PITRM1: variants seen among roughly 807,000 people sequenced by gnomAD.
The protein encoded by PITRM1 is presequence protease, mitochondrial.
In PITRM1, 100 loss-of-function variants were observed where a neutral mutation model predicts 129.9. The observed-to-expected ratio is 0.77, with a 90% CI of 0.65 to 0.91. The LOEUF (loss-of-function observed/expected upper bound fraction) is 0.91, where lower values mean the gene tolerates loss of function less well. Among genes scored for constraint, PITRM1 ranks in the 40% least tolerant of loss-of-function variants. The pLI, the probability that PITRM1 is intolerant of heterozygous loss-of-function variation, is 0.00. For synonymous variants in PITRM1, 591 were observed against 508.8 expected, an observed-to-expected ratio of 1.16 and a Z score of -2.17; for missense variants, 1,471 against 1,318.3, an observed-to-expected ratio of 1.12 and a Z score of -1.79.
intron 20 of PITRM1, 163 bp downstream of exon 20, chr10:3,146,987 G>A (rs1840942626): frequency 6.3e-6 from 3 of 476,230 alleles, no homozygotes; most frequent in South Asian, 3.0e-5. Context: ...CTTTTAATAG[G>A]CTTAAAATAT....
rs375941441 is a variant in PITRM1 at position 3,145,704 on chromosome 10, A to G, written c.2349T>C (p.Asn783=). Residue 783 remains asparagine, a synonymous_variant, in exon 21 of 27, where the codon AAT becomes AAC. Transcript: ENST00000224949. The part of the protein sequence containing the change: ...LNGDNMRCSV[N]ATPQQMPQTE... ...TCTGAGGCATCTGCTGAGGAGTCGCATTCACTGAACACCTGTTTGAAAAAT... is the reference window on the plus strand; with the variant it reads ...TCTGAGGCATCTGCTGAGGAGTCGCGTTCACTGAACACCTGTTTGAAAAAT... 2 of 1,549,762 alleles carry G rather than the reference A, an allele frequency of 1.3e-6. No homozygotes were observed. Among genetic ancestry groups the G allele is most frequent in the Non-Finnish European group, 1.7e-6 (2 of 1,145,272 alleles).
At position 3,140,823 on chromosome 10, in the gene PITRM1, TA is replaced by T; in HGVS notation, c.2646-12del. 6.4e-7 allele frequency: 1 copy of T among 1,566,650 alleles called. No homozygotes were observed. ...GCAAGGATTTTAAGACTGAAATGAT[TA>T]AAAAATGCAAGTTAATACCGTGGCT... On this transcript the variant is annotated splice_polypyrimidine_tract_variant and intron_variant, in intron 23 of 26. Coordinates refer to ENST00000224949, the MANE Select transcript of PITRM1 (RefSeq NM_014889.4).
In PITRM1 at chr10:3,158,920, T is replaced by C. The variant is rs753364959; in HGVS notation, c.1130A>G (p.Asp377Gly). The C allele has an allele frequency of 8.1e-5, 130 of 1,612,584 alleles. 1 individual carries two copies. The South Asian group carries it at 1.3e-3, about 16-fold the overall frequency. The change falls in exon 10 of 27, where the codon GAT becomes GGT. Residue 377 changes from aspartate (D) to glycine (G), a missense_variant. Asp to Gly is a moderately conservative substitution (Grantham distance 94). Coordinates refer to ENST00000224949, the MANE Select transcript of PITRM1 (RefSeq NM_014889.4). ...ESGLGTDFSP[D>G]VGYNGYTREA... ...AATCTAATCATAAACTCACCCAACATCAGGAGAAAAGTCTGTGCCAAGGCC... is the reference window on the plus strand; with the variant it reads ...AATCTAATCATAAACTCACCCAACACCAGGAGAAAAGTCTGTGCCAAGGCC...
Position 3,155,705 on chromosome 10 carries a change from A to C in PITRM1, c.1507T>G (p.Ser503Ala). The change falls in exon 14 of 27, where the codon TCG becomes GCG. Residue 503 changes from serine (S) to alanine (A), a missense_variant. Transcript: ENST00000224949. ...FKNNQHKLTLSMRPDDKYHEK... is the reference protein window; with the variant it reads ...FKNNQHKLTLAMRPDDKYHEK... ...TGATACTTGTCATCTGGCCTCATCG[A>C]TAAAGTCAGCTTATGCTGGTTATTC... 2 of 1,613,914 alleles carry C rather than the reference A, an allele frequency of 1.2e-6. No homozygotes were observed. The highest frequency in any genetic ancestry group is 1.7e-6 in the Non-Finnish European group (2 of 1,179,886).
intron 23 of PITRM1, chr10:3,141,488 G>A: frequency 4.6e-6 from 1 of 218,700 alleles, no homozygotes; most frequent in South Asian, 6.3e-5. Flanking sequence ...AAACTGAAGT[G>A]AGTTTTATAA....
chr10:3,159,011 T>C lies in PITRM1; in HGVS notation c.1039A>G (p.Ser347Gly). Reference sequence around the variant, plus strand: ...GAAGTCAAGAGTGAAGACAGAAGACTTAATGTGAAGGCTTCAAATGTGTCG... The same window carrying C: ...GAAGTCAAGAGTGAAGACAGAAGACCTAATGTGAAGGCTTCAAATGTGTCG... ...ITDTFEAFTLSLLSSLLTSGP... is the reference protein window; with the variant it reads ...ITDTFEAFTLGLLSSLLTSGP... Residue 347 changes from serine (S) to glycine (G), a missense_variant, in exon 10 of 27, where the codon AGT (serine) becomes GGT (glycine). Ser to Gly is a moderately conservative substitution (Grantham distance 56, BLOSUM62 0). Coordinates refer to ENST00000224949, the MANE Select transcript of PITRM1 (RefSeq NM_014889.4). 6.2e-7 allele frequency: 1 copy of C among 1,613,430 alleles called. No individual in the cohort carries two copies. Among genetic ancestry groups the C allele is most frequent in the Non-Finnish European group, 8.5e-7 (1 of 1,179,714 alleles).
chr10:3,153,029 T>A (rs1226154953), intron 14 of PITRM1, among the ~76,000 whole-genome samples: 1 of 152,266 alleles, frequency 6.6e-6, no homozygotes, highest in East Asian at 1.9e-4. Flanking sequence ...ATTCCCCTTT[T>A]CTGCATTGTT....
Position 3,157,053 on chromosome 10 carries a change from A to G in PITRM1, c.1359T>C (p.Ser453=). The change falls in exon 13 of 27, where the codon TCT becomes TCC. Residue 453 remains serine, a synonymous_variant. Transcript: ENST00000224949. The stretch of plus-strand genomic sequence containing the variant: ...CAGGGTCCCCATCATGGTTCCAGCA[A>G]GAAGCTATGTACTGGAAGGAAGATT... The part of the protein sequence containing the change: ...FGLMLTSYIA[S]CWNHDGDPVE... 6.2e-7 allele frequency: 1 copy of G among 1,609,806 alleles called. No homozygotes were observed.
intron 17 of PITRM1, 44 bp from the exon 18 acceptor site, chr10:3,148,107 G>T (rs1193220302): frequency 5.6e-6 from 9 of 1,613,482 alleles, no homozygotes; most frequent in African/African-American, 1.3e-5. Context: ...GGGCCGAATC[G>T]AACAGTGACA....
chr10:3,157,067 G>A lies in PITRM1; in HGVS notation c.1348-3C>T. 6.2e-7 allele frequency: 1 copy of A among 1,601,720 alleles called. No individual in the cohort carries two copies. Among genetic ancestry groups the A allele is most frequent in the South Asian group, 1.1e-5 (1 of 88,234 alleles). On this transcript the variant is annotated splice_region_variant and splice_polypyrimidine_tract_variant and intron_variant, in intron 12 of 26. Coordinates refer to ENST00000224949, the MANE Select transcript of PITRM1 (RefSeq NM_014889.4). ...TGGTTCCAGCAAGAAGCTATGTACT[G>A]GAAGGAAGATTTCCACATCCACAAT... is the stretch of plus-strand genomic sequence containing the variant.
At chr10:3,164,661 G>A (rs973705415) in intron 6 of PITRM1, among the ~76,000 whole-genome samples, 5 of 152,076 alleles carry the variant, frequency 3.3e-5, no homozygotes, top group African/African-American at 1.2e-4. Context: ...GCCTGTGTGT[G>A]TTTATATAAT....
chr10:3,149,579 C>T (rs1345758803), intron 16 of PITRM1, 42 bp downstream of exon 16: 2 of 1,505,890 alleles, frequency 1.3e-6, no homozygotes, highest in Non-Finnish European at 1.8e-6. Flanking sequence ...GCACACAAAG[C>T]AGACATTAAT....
rs1564375926 is a variant in PITRM1 at position 3,138,075 on chromosome 10, CG to C, written c.3069del (p.Glu1024ArgfsTer50). 6.2e-7 allele frequency: 1 copy of C among 1,610,444 alleles called. No homozygotes were observed. The highest frequency in any genetic ancestry group is 1.7e-5 in the Admixed American group (1 of 59,620). On this transcript the variant is annotated frameshift_variant, in exon 27 of 27. Coordinates refer to ENST00000224949, the MANE Select transcript of PITRM1 (RefSeq NM_014889.4). LOFTEE classifies it high-confidence loss of function. ...GGGTCCTTGGCAATTTTCGGGTTCT[CG>C]GGTCCGAGGATGGCCAGGCCGTGTG... is the stretch of plus-strand genomic sequence containing the variant. ...KSTHGLAILGPENPKIAKDPS... is the reference protein window; with the variant it reads ...KSTHGLAILGXENPKIAKDPS...
rs772402229 is a variant in PITRM1, at chr10:3,159,808, A to C, written c.1007+40T>G. On this transcript the variant is annotated intron_variant, in intron 9 of 26. Transcript: ENST00000224949. ...ACCTTCTAATAGGAACATTTTCCTC[A>C]TGTTTTTGTCTTGTATGAGCTTTGA... The C allele has an allele frequency of 1.3e-5, 16 of 1,198,948 alleles. No homozygotes were observed. The Admixed American group carries it at 1.7e-4, about 13-fold the overall frequency. The allele number at this position is 1,198,948 out of a possible 1,614,324, so 74.3% of individuals were successfully genotyped here. A position where few individuals can be genotyped will look rare whatever the true frequency, so the allele number is the denominator to read the frequency against.
In PITRM1 at chr10:3,147,316, A is replaced by AGCACCTGTGACATCAGAACCCT. The variant is rs530155103; in HGVS notation, c.2236-88_2236-67dup. The AGCACCTGTGACATCAGAACCCT allele has an allele frequency of 3.5e-4, 420 of 1,206,784 alleles. 11 individuals are homozygous for AGCACCTGTGACATCAGAACCCT. In the South Asian group the frequency reaches 4.6e-3, roughly 13 times the overall value. 74.8% of individuals were successfully genotyped at this position (1,206,784 alleles called of 1,614,324 possible). On this transcript the variant is annotated intron_variant, in intron 19 of 26. Transcript: ENST00000224949. The stretch of plus-strand genomic sequence containing the variant: ...CAACAGACCCGCTGAGTCTGAACCA[A>AGCACCTGTGACATCAGAACCCT]GCACCTGTGACATCAGAACCCTGCT...
rs1839851014 is a variant in PITRM1 at position 3,138,647 on chromosome 10, T to G, written c.2917+257A>C. 8.1e-6 allele frequency: 5 copies of G among 617,830 alleles called. No individual in the cohort carries two copies. The Admixed American group carries it at 1.4e-4, about 17-fold the overall frequency. 38.3% of individuals were successfully genotyped at this position (617,830 alleles called of 1,614,324 possible). A position where few individuals can be genotyped will look rare whatever the true frequency, so the allele number is the denominator to read the frequency against. On this transcript the variant is annotated intron_variant, in intron 25 of 26. Coordinates refer to ENST00000224949, the MANE Select transcript of PITRM1 (RefSeq NM_014889.4). ...GCCCGGGCCGTGCCCACGTCCTCCT[T>G]CCACCCTAAAGAGCCCGGACACTGC...
At chr10:3,158,288 G>C (rs763036481) in intron 10 of PITRM1, 135 bp from the exon 11 acceptor site, 3 of 632,656 alleles carry the variant, frequency 4.7e-6, no homozygotes, top group Middle Eastern at 2.5e-4. Context: ...TTAAAGCAGT[G>C]TTCTCAAGTA....
At position 3,138,568 on chromosome 10, in the gene PITRM1, CGT is replaced by C. The variant is rs567929869; in HGVS notation, c.2918-233_2918-232del. The C allele has an allele frequency of 5.2e-4, 313 of 604,288 alleles. 5 individuals are homozygous for C. In the South Asian group the frequency reaches 6.0e-3, roughly 12 times the overall value. The allele number at this position is 604,288 out of a possible 1,614,324, so 37.4% of individuals were successfully genotyped here. ...TGCAGCAGGGATGCAGTCAGCGCCGCGTGAGGCTGATGATGCTGTGAGCAAAA... is the reference window on the plus strand; with the variant it reads ...TGCAGCAGGGATGCAGTCAGCGCCGCGAGGCTGATGATGCTGTGAGCAAAA... On this transcript the variant is annotated intron_variant, in intron 25 of 26. Coordinates refer to ENST00000224949, the MANE Select transcript of PITRM1 (RefSeq NM_014889.4).
In PITRM1 at chr10:3,145,471, C is replaced by G. The variant is rs1038610539; in HGVS notation, c.2457+125G>C. 4 of 763,008 alleles carry G rather than the reference C, an allele frequency of 5.2e-6. No individual in the cohort carries two copies. In the Admixed American group the frequency reaches 1.1e-4, roughly 20 times the overall value. 47.3% of individuals were successfully genotyped at this position (763,008 alleles called of 1,614,324 possible). ...TCCTGAACCTCAGTTTCTTCATCTGCGTACGGGGGATATGAACCCCCACAT... is the reference window on the plus strand; with the variant it reads ...TCCTGAACCTCAGTTTCTTCATCTGGGTACGGGGGATATGAACCCCCACAT... On this transcript the variant is annotated intron_variant, in intron 21 of 26. Coordinates refer to ENST00000224949, the MANE Select transcript of PITRM1 (RefSeq NM_014889.4).
Sources: gnomAD v4.1 joint callset for allele counts (sites outside exome capture counted in the v4.1 genomes callset) on GRCh38, gnomAD v4.1.1 for gene constraint, MANE v1.5 for transcripts, NCBI Gene and HGNC (gene_info 2026-07-23, HGNC 2026-07-21) for gene names.